The following GC variants were observed in gnomAD, a reference collection of about 807,000 sequenced individuals.
GC encodes the protein GC vitamin D binding protein, also known as vitamin D-binding protein.
Under a neutral mutation model 56.7 loss-of-function variants are expected in GC, and 43 were observed. The observed-to-expected ratio is 0.76, with a 90% CI of 0.59 to 0.98. GC has a LOEUF of 0.98. GC is among the 50% of genes least tolerant of loss of function. The pLI is 0.00. For synonymous variants in GC, 216 were observed against 202.7 expected (o/e 1.07, Z -0.56); for missense variants, 529 against 545.9 (o/e 0.97, Z 0.31).
chr4:71,741,889 G>A lies in GC; in HGVS notation c.*26-19C>T, dbSNP rs761004520. ...CTCTGGTCTATGAGAATAATGAAAT[G>A]AATTTTATGTTAGAAAAACAGAGCT... On this transcript the variant is annotated intron_variant, in intron 12 of 12. Coordinates refer to ENST00000273951, the MANE Select transcript of GC (RefSeq NM_000583.4). The A allele has an allele frequency of 8.5e-6, 6 of 702,840 alleles. No homozygotes were observed. In the South Asian group the frequency reaches 8.9e-5, roughly 10 times the overall value. The allele number at this position is 702,840 out of a possible 1,614,324, so 43.5% of individuals were successfully genotyped here.
At chr4:71,767,400 G>A (rs1308458817) in intron 3 of GC, among the ~76,000 whole-genome samples, 1 of 151,880 alleles carries the variant, frequency 6.6e-6, no homozygotes, top group Non-Finnish European at 1.5e-5. Context: ...TTTAATTTTT[G>A]CATAAGTGCT....
chr4:71,775,085 T>C (rs373693113), intron 1 of GC, among the ~76,000 whole-genome samples: 4 of 146,808 alleles, frequency 2.7e-5, no homozygotes, highest in South Asian at 4.5e-4. Flanking sequence ...CACAGGAAAA[T>C]AGAAAGGTGA....
intron 1 of GC, among the ~76,000 whole-genome samples, chr4:71,770,765 G>A (rs1742318372): frequency 1.3e-5 from 2 of 152,210 alleles, no homozygotes; most frequent in South Asian, 2.1e-4. Flanking sequence ...GCCTGAATGG[G>A]GTAGTAGCTT....
chr4:71,748,806 T>C (rs1741459202), intron 11 of GC, among the ~76,000 whole-genome samples: 2 of 152,108 alleles, frequency 1.3e-5, no homozygotes, highest in African/African-American at 2.4e-5. Flanking sequence ...AAGCCCCTTT[T>C]CCCAGTCTTC....
At chr4:71,746,484 G>A (rs544725152) in intron 11 of GC, among the ~76,000 whole-genome samples, 1 of 152,102 alleles carries the variant, frequency 6.6e-6, no homozygotes, top group Non-Finnish European at 1.5e-5. Flanking sequence ...CAAACAGAAT[G>A]TTGTGGGACA....
At chr4:71,785,098 T>C (rs1015624642), upstream of GC, among the ~76,000 whole-genome samples, 1 of 151,740 alleles carries the variant, frequency 6.6e-6, no homozygotes, top group Non-Finnish European at 1.5e-5. Flanking sequence ...TTGGGAAATT[T>C]ATTTTACCCC....
At chr4:71,790,964 T>C (rs549511839) in intron 1 of GC, among the ~76,000 whole-genome samples, 3 of 151,924 alleles carry the variant, frequency 2.0e-5, no homozygotes, top group Admixed American at 6.6e-5. Flanking sequence ...AACAACCCCA[T>C]TAAAAACTGG....
chr4:71,768,929 T>C (rs527765304), intron 2 of GC, among the ~76,000 whole-genome samples: 16 of 152,186 alleles, frequency 1.1e-4, no homozygotes, highest in Non-Finnish European at 2.1e-4. Flanking sequence ...TGGAAAGCAG[T>C]AGAAATTGAA....
intron 12 of GC, 50 bp downstream of exon 12, chr4:71,746,101 C>T (rs1741353584): frequency 1.3e-6 from 1 of 744,834 alleles, no homozygotes; most frequent in Admixed American, 2.1e-5. Flanking sequence ...ATTTAAAATA[C>T]ATCCTACAAT....
At chr4:71,804,376 C>A (rs35096193), upstream of GC, among the ~76,000 whole-genome samples, 33,201 of 152,112 alleles carry the variant, frequency 0.22, 4,626 homozygotes, top group Middle Eastern at 0.34. Flanking sequence ...GGAGCAGTCA[C>A]GCAGTGTGGG....
At chr4:71,784,905 T>C (rs142221021), upstream of GC, among the ~76,000 whole-genome samples, 102 of 151,678 alleles carry the variant, frequency 6.7e-4, no homozygotes, top group Middle Eastern at 6.8e-3. Context: ...TACAGAAGAG[T>C]GAACTGAGCA....
intron 1 of GC, among the ~76,000 whole-genome samples, chr4:71,789,264 T>C (rs1467243248): frequency 6.6e-6 from 1 of 151,926 alleles, no homozygotes; most frequent in Non-Finnish European, 1.5e-5. Flanking sequence ...TCCCCAAATG[T>C]ACATATATAC....
chr4:71,773,018 TG>T (rs1383929571), intron 1 of GC, among the ~76,000 whole-genome samples: 1 of 152,240 alleles, frequency 6.6e-6, no homozygotes, highest in Admixed American at 6.6e-5. Context: ...CATGGAATAC[TG>T]CTTAATAAAT....
intron 11 of GC, among the ~76,000 whole-genome samples, chr4:71,750,900 CAA>C (rs10550263): frequency 0.59 from 89,725 of 151,718 alleles, 26,769 homozygotes; most frequent in Admixed American, 0.65. Flanking sequence ...AACAAACAAA[CAA>C]AAAAAAAACG....
At chr4:71,763,572 A>G in intron 5 of GC, 70 bp from the exon 6 acceptor site, 1 of 891,160 alleles carries the variant, frequency 1.1e-6, no homozygotes, top group Non-Finnish European at 1.8e-6. Flanking sequence ...TGGCAAAAAT[A>G]GGGACTATTA....
chr4:71,781,086 G>A (rs570921789), intron 1 of GC, among the ~76,000 whole-genome samples: 3 of 152,116 alleles, frequency 2.0e-5, no homozygotes, highest in South Asian at 4.1e-4. Flanking sequence ...TCTTTTGCAG[G>A]GACATGGGTG....
chr4:71,741,912 G>A (rs1560685679), intron 12 of GC, 42 bp from the exon 13 acceptor site: 1 of 702,622 alleles, frequency 1.4e-6, no homozygotes, highest in South Asian at 1.5e-5. Flanking sequence ...GAAAAACAGA[G>A]CTAATGGGCA....
chr4:71,754,809 T>C (rs1156462214), intron 9 of GC, among the ~76,000 whole-genome samples, 169 bp downstream of exon 9: 6 of 152,256 alleles, frequency 3.9e-5, no homozygotes, highest in Non-Finnish European at 8.8e-5. Flanking sequence ...GGTCATGAGA[T>C]ACTGATGTTC....
Position 71,778,594 on chromosome 4 carries a change from A to AT in GC, c.58+5366dup, listed in dbSNP as rs901393279. Among the ~76,000 whole-genome samples, 89 of 151,998 alleles carry AT rather than the reference A, an allele frequency of 5.9e-4. 1 individual carries two copies. Among genetic ancestry groups the AT allele is most frequent in the African/African-American group, 1.9e-3 (77 of 41,494 alleles). Reference sequence around the variant, plus strand: ...GTTTCCAGAGAAGCTAGAAATCTAGATTTTTTTGTGGAATCTCCAGGTTTT... The same window carrying AT: ...GTTTCCAGAGAAGCTAGAAATCTAGATTTTTTTTGTGGAATCTCCAGGTTTT... On this transcript the variant is annotated intron_variant, in intron 1 of 12. Coordinates refer to ENST00000273951, the MANE Select transcript of GC (RefSeq NM_000583.4).
Sources: gnomAD v4.1 joint callset for allele counts (sites outside exome capture counted in the v4.1 genomes callset) on GRCh38, gnomAD v4.1.1 for gene constraint, MANE v1.5 for transcripts, NCBI Gene and HGNC (gene_info 2026-07-23, HGNC 2026-07-21) for gene names.